The following STK32B variants were observed in gnomAD, a reference collection of about 807,000 sequenced individuals.
The protein encoded by STK32B is serine/threonine-protein kinase 32B.
In STK32B, 43 loss-of-function variants were observed where a neutral mutation model predicts 52.6. The observed-to-expected ratio is 0.82, with a 90% CI of 0.64 to 1.05. The LOEUF (loss-of-function observed/expected upper bound fraction) is 1.05, where lower values mean the gene tolerates loss of function less well. STK32B is among the 50% of genes least tolerant of loss of function. The pLI is 0.00. For synonymous variants in STK32B, 238 were observed against 204.3 expected, an observed-to-expected ratio of 1.17 and a Z score of -1.41; for missense variants, 621 against 534.6, an observed-to-expected ratio of 1.16 and a Z score of -1.59.
chr4:5,125,196 G>A lies in STK32B; in HGVS notation c.53-14709G>A, dbSNP rs79214287. 9.1e-3 allele frequency among the ~76,000 whole-genome samples: 1,251 copies of A among 137,932 alleles called. 15 individuals carry two copies. Among genetic ancestry groups the A allele is most frequent in the African/African-American group, 0.029 (1,181 of 40,244 alleles). The allele number at this position is 137,932 out of a possible 152,430, so 90.5% of individuals were successfully genotyped here. On this transcript the variant is annotated intron_variant, in intron 1 of 11. Coordinates refer to ENST00000282908, the MANE Select transcript of STK32B (RefSeq NM_018401.3). ...CCCAGATGTCCAACAAGAGCAGCTTGGTCAACACCTTGATGTTGGTCTTCT... is the reference window on the plus strand; with the variant it reads ...CCCAGATGTCCAACAAGAGCAGCTTAGTCAACACCTTGATGTTGGTCTTCT...
chr4:5,336,321 G>A (rs1732692045), intron 4 of STK32B, among the ~76,000 whole-genome samples: 2 of 151,904 alleles, frequency 1.3e-5, no homozygotes, highest in Middle Eastern at 6.8e-3. Flanking sequence ...TAAAGTGTAG[G>A]TTATAGTAAA....
intron 3 of STK32B, among the ~76,000 whole-genome samples, chr4:5,319,270 G>C (rs1731326489): frequency 6.6e-6 from 1 of 152,164 alleles, no homozygotes; most frequent in Non-Finnish European, 1.5e-5. Flanking sequence ...TTTGCCTCCA[G>C]AGCCTGTACA....
chr4:5,022,010 T>C, the STK32B span, among the ~76,000 whole-genome samples: 1 of 152,016 alleles, frequency 6.6e-6, no homozygotes, highest in African/African-American at 2.4e-5. Flanking sequence ...CTCGTGCTGA[T>C]TCCCAGGGCA....
intron 3 of STK32B, among the ~76,000 whole-genome samples, chr4:5,297,557 A>G (rs79718009): frequency 0.075 from 11,112 of 148,500 alleles, 717 homozygotes; most frequent in African/African-American, 0.18. Flanking sequence ...CTTCCACTTG[A>G]TTGATTCTGC....
chr4:5,298,995 A>T lies in STK32B; in HGVS notation c.261-32225A>T, dbSNP rs562977593. On this transcript the variant is annotated intron_variant, in intron 3 of 11. Transcript: ENST00000282908. Reference sequence around the variant, plus strand: ...GGGAAAAGCATAGTATCTGGGCCAGATAGCACTGTCGCTCACGGCACAGTC... The same window carrying T: ...GGGAAAAGCATAGTATCTGGGCCAGTTAGCACTGTCGCTCACGGCACAGTC... 2.6e-5 allele frequency among the ~76,000 whole-genome samples: 4 copies of T among 152,198 alleles called. No homozygotes were observed. In the East Asian group the frequency reaches 7.8e-4, roughly 30 times the overall value.
chr4:5,202,676 C>T (rs1350124160), intron 3 of STK32B, among the ~76,000 whole-genome samples: 1 of 152,232 alleles, frequency 6.6e-6, no homozygotes, highest in Non-Finnish European at 1.5e-5. Flanking sequence ...CAACTCTTAT[C>T]TTCTGCACAC....
chr4:5,293,866 G>A (rs1364032119), intron 3 of STK32B, among the ~76,000 whole-genome samples: 1 of 152,100 alleles, frequency 6.6e-6, no homozygotes, highest in East Asian at 1.9e-4. Context: ...CTTTGCCCAT[G>A]CCTATGTCCT....
intron 3 of STK32B, among the ~76,000 whole-genome samples, chr4:5,297,838 T>C (rs1004203464): frequency 5.3e-5 from 8 of 152,246 alleles, no homozygotes; most frequent in African/African-American, 1.9e-4. Flanking sequence ...CAAGGAGTTG[T>C]GATGCTTTGG....
chr4:5,301,564 A>G (rs907177441), intron 3 of STK32B, among the ~76,000 whole-genome samples: 2 of 151,304 alleles, frequency 1.3e-5, no homozygotes, highest in South Asian at 2.1e-4. Context: ...TTGGCATAAA[A>G]TTTCTTATAC....
the STK32B span, among the ~76,000 whole-genome samples, chr4:5,034,920 A>T: frequency 6.6e-6 from 1 of 152,024 alleles, no homozygotes; most frequent in East Asian, 1.9e-4. Context: ...GCTCCCGGCC[A>T]CTCCACTGGC....
chr4:5,210,797 C>CTTT (rs373764187), intron 3 of STK32B, among the ~76,000 whole-genome samples: 1 of 143,010 alleles, frequency 7.0e-6, no homozygotes, highest in South Asian at 2.2e-4. Flanking sequence ...TTTAGAAATA[C>CTTT]TTTTTTTTTT....
intron 3 of STK32B, among the ~76,000 whole-genome samples, chr4:5,188,254 G>A (rs1560208509): frequency 2.0e-5 from 3 of 152,158 alleles, no homozygotes; most frequent in Admixed American, 2.0e-4. Context: ...CGATGACCGA[G>A]CAATTTTATG....
At chr4:5,373,504 G>GCCAGGC (rs2109014930) in intron 4 of STK32B, among the ~76,000 whole-genome samples, 1 of 152,278 alleles carries the variant, frequency 6.6e-6, no homozygotes, top group African/African-American at 2.4e-5. Flanking sequence ...TTTTGTTCTA[G>GCCAGGC]CCAGGCCTTC....
intron 4 of STK32B, among the ~76,000 whole-genome samples, chr4:5,383,486 G>T (rs1371157220): frequency 6.6e-6 from 1 of 152,202 alleles, no homozygotes; most frequent in African/African-American, 2.4e-5. Flanking sequence ...ACGAGCCCAG[G>T]ACTCGTAGCA....
the STK32B span, among the ~76,000 whole-genome samples, chr4:5,039,836 G>A: frequency 6.6e-6 from 1 of 152,194 alleles, no homozygotes; most frequent in Non-Finnish European, 1.5e-5. Context: ...TATTGTACAT[G>A]TGGTCCATTG....
chr4:5,247,629 T>A (rs922410306), intron 3 of STK32B, among the ~76,000 whole-genome samples: 3 of 152,152 alleles, frequency 2.0e-5, no homozygotes, highest in African/African-American at 7.2e-5. Flanking sequence ...TGTACCTCAG[T>A]TGGAAATGCA....
intron 1 of STK32B, among the ~76,000 whole-genome samples, chr4:5,059,282 C>G (rs1048019642): frequency 7.2e-5 from 11 of 151,922 alleles, no homozygotes; most frequent in African/African-American, 2.4e-4. Context: ...CCTACCCAAA[C>G]CAGCCCACCC....
chr4:5,056,634 G>C (rs996880847), intron 1 of STK32B, among the ~76,000 whole-genome samples: 1 of 152,214 alleles, frequency 6.6e-6, no homozygotes, highest in Non-Finnish European at 1.5e-5. Flanking sequence ...GTATGGAAAA[G>C]AGAGGAGTAT....
At chr4:5,100,952 G>A (rs765022122) in intron 1 of STK32B, among the ~76,000 whole-genome samples, 9 of 151,622 alleles carry the variant, frequency 5.9e-5, no homozygotes, top group Middle Eastern at 3.4e-3. Flanking sequence ...AGGCTGGAGT[G>A]CAGTGGCACA....
Sources: allele counts gnomAD v4.1 joint callset (sites outside exome capture counted in the v4.1 genomes callset), GRCh38; gene constraint gnomAD v4.1.1; transcripts MANE v1.5; gene names NCBI Gene and HGNC (gene_info 2026-07-23, HGNC 2026-07-21).